Variants in SLC16A12 observed in about 807,000 individuals in gnomAD.
SLC16A12 encodes monocarboxylate transporter 12.
SLC16A12 carries 17 observed loss-of-function variants against 42.4 expected under a neutral mutation model. That is an observed-to-expected ratio of 0.40 (90% CI 0.27 to 0.60). The LOEUF (loss-of-function observed/expected upper bound fraction) is 0.60, where lower values mean the gene tolerates loss of function less well. Among genes scored for constraint, SLC16A12 ranks in the 20% least tolerant of loss-of-function variants. The pLI is 0.42. For synonymous variants in SLC16A12, 224 were observed against 229.4 expected, an observed-to-expected ratio of 0.98 and a Z score of 0.21; for missense variants, 544 against 623.0, an observed-to-expected ratio of 0.87 and a Z score of 1.35.
intron 2 of SLC16A12, among the ~76,000 whole-genome samples, chr10:89,486,599 AAAAAAAAGAAAGAAAGAAAG>A (rs1564585721): frequency 1.9e-4 from 23 of 121,516 alleles, no homozygotes; most frequent in African/African-American, 7.4e-4. Context: ...CTCAAAAAAA[AAAAAAAAGAAAGAAAGAAAG>A]AAAGAAAGAA....
chr10:89,452,042 A>C (rs1019978508), intron 3 of SLC16A12, among the ~76,000 whole-genome samples: 2 of 152,246 alleles, frequency 1.3e-5, no homozygotes, highest in Non-Finnish European at 2.9e-5. Flanking sequence ...TAAGAATCAC[A>C]AAGGACCAAG....
At chr10:89,528,444 T>C (rs368378799) in intron 2 of SLC16A12, among the ~76,000 whole-genome samples, 1 of 152,304 alleles carries the variant, frequency 6.6e-6, no homozygotes, top group African/African-American at 2.4e-5. Context: ...GGTTAATTAA[T>C]TCATTGGTTG....
intron 2 of SLC16A12, among the ~76,000 whole-genome samples, chr10:89,551,871 T>A (rs1013829387): frequency 2.0e-5 from 3 of 152,222 alleles, no homozygotes; most frequent in Non-Finnish European, 4.4e-5. Context: ...ATCAGCAGCA[T>A]GAAAACAAAC....
At chr10:89,465,856 C>A (rs552682147) in intron 2 of SLC16A12, among the ~76,000 whole-genome samples, 7 of 152,280 alleles carry the variant, frequency 4.6e-5, no homozygotes, top group African/African-American at 1.7e-4. Context: ...CGGGAAGTAT[C>A]CAGCCAATGA....
At chr10:89,549,900 G>A (rs542404075) in intron 2 of SLC16A12, among the ~76,000 whole-genome samples, 3 of 152,124 alleles carry the variant, frequency 2.0e-5, no homozygotes, top group Non-Finnish European at 4.4e-5. Flanking sequence ...AGGGAGTAAA[G>A]TGCCTCAGAC....
intron 2 of SLC16A12, among the ~76,000 whole-genome samples, chr10:89,514,777 A>G (rs1476892743): frequency 2.6e-5 from 4 of 152,212 alleles, no homozygotes; most frequent in Non-Finnish European, 5.9e-5. Flanking sequence ...TGCCCACTGT[A>G]CTTTGTAGAG....
chr10:89,520,454 T>C (rs1246789459), intron 2 of SLC16A12, among the ~76,000 whole-genome samples: 1 of 152,070 alleles, frequency 6.6e-6, no homozygotes, highest in Non-Finnish European at 1.5e-5. Flanking sequence ...CTTCATGAGG[T>C]TCAAATTAGC....
chr10:89,464,001 C>T (rs190193254), intron 2 of SLC16A12, among the ~76,000 whole-genome samples: 87 of 152,236 alleles, frequency 5.7e-4, no homozygotes, highest in Admixed American at 1.6e-3. Flanking sequence ...ACCTGACTCT[C>T]GTAATTATGT....
intron 3 of SLC16A12, among the ~76,000 whole-genome samples, chr10:89,459,641 T>C (rs1438370537): frequency 1.3e-5 from 2 of 152,070 alleles, no homozygotes; most frequent in Non-Finnish European, 2.9e-5. Context: ...TCTGTCCTAC[T>C]AGACAAAAAG....
intron 2 of SLC16A12, among the ~76,000 whole-genome samples, chr10:89,484,106 T>C (rs1052389365): frequency 2.0e-5 from 3 of 152,156 alleles, no homozygotes; most frequent in South Asian, 2.1e-4. Flanking sequence ...CTGGGCAACA[T>C]AGCAAGACAC....
intron 2 of SLC16A12, among the ~76,000 whole-genome samples, chr10:89,515,651 A>G (rs1299611658): frequency 6.6e-6 from 1 of 152,106 alleles, no homozygotes; most frequent in African/African-American, 2.4e-5. Flanking sequence ...TATTATAGTG[A>G]TCTCATCAGA....
At chr10:89,549,708 A>G (rs1039858810) in intron 2 of SLC16A12, among the ~76,000 whole-genome samples, 15 of 152,178 alleles carry the variant, frequency 9.9e-5, no homozygotes, top group Non-Finnish European at 7.3e-5. Context: ...CAGTGTGTCT[A>G]TAATTCTTTA....
rs371588301 is a variant in SLC16A12 at position 89,462,538 on chromosome 10, A to C, written c.41T>G (p.Ile14Ser). Residue 14 changes from isoleucine to serine, a missense_variant, in exon 3 of 8, where the codon ATC becomes AGC. Physicochemically the swap from Ile to Ser is moderately radical, Grantham distance 142. Transcript: ENST00000371790. ...AGGTTGCTCCAACAGCCAAGTTATGATCTTGGAAGAGTTTGCTGTCCAGTG... is the reference window on the plus strand; with the variant it reads ...AGGTTGCTCCAACAGCCAAGTTATGCTCTTGGAAGAGTTTGCTGTCCAGTG... ...GSHWTANSSK[I>S]ITWLLEQPGK... 31 of 1,612,656 alleles carry C rather than the reference A, an allele frequency of 1.9e-5. No individual in the cohort carries two copies. The highest frequency in any genetic ancestry group is 1.1e-4 in the African/African-American group (8 of 74,874).
At chr10:89,526,130 C>A (rs1843447819) in intron 2 of SLC16A12, among the ~76,000 whole-genome samples, 1 of 151,876 alleles carries the variant, frequency 6.6e-6, no homozygotes. Context: ...CATCATGCTA[C>A]CCCCCGCCCC....
intron 2 of SLC16A12, among the ~76,000 whole-genome samples, chr10:89,509,320 C>A (rs139500483): frequency 1.3e-5 from 2 of 152,096 alleles, no homozygotes; most frequent in African/African-American, 2.4e-5. Context: ...ATATCCCTGA[C>A]GAACATCAAC....
At chr10:89,531,188 G>A (rs924484846) in intron 2 of SLC16A12, among the ~76,000 whole-genome samples, 38 of 151,658 alleles carry the variant, frequency 2.5e-4, no homozygotes, top group South Asian at 2.1e-4. Flanking sequence ...TCAGGAGTTC[G>A]AGACCAGCCT....
chr10:89,536,337 C>A (rs1036339516), upstream of SLC16A12, among the ~76,000 whole-genome samples: 2 of 152,142 alleles, frequency 1.3e-5, no homozygotes, highest in African/African-American at 2.4e-5. Context: ...AAAGCGTTAT[C>A]TCTTGGAGTC....
At position 89,487,145 on chromosome 10, in the gene SLC16A12, A is replaced by C. The variant is rs1589699228; in HGVS notation, c.-46-24521T>G. Reference sequence around the variant, plus strand: ...AAGGGTCAGATTCCTCTGAATGAACACAACCATCCTGAGGCAAGGCAACAA... The same window carrying C: ...AAGGGTCAGATTCCTCTGAATGAACCCAACCATCCTGAGGCAAGGCAACAA... On this transcript the variant is annotated intron_variant, in intron 2 of 7. Coordinates refer to ENST00000371790, the MANE Select transcript of SLC16A12 (RefSeq NM_213606.4). Among the ~76,000 whole-genome samples the C allele has an allele frequency of 2.6e-5, 4 of 152,362 alleles. No homozygotes were observed. In the South Asian group the frequency reaches 8.3e-4, roughly 32 times the overall value.
chr10:89,528,217 T>C (rs1055060687), intron 2 of SLC16A12, among the ~76,000 whole-genome samples: 2 of 152,176 alleles, frequency 1.3e-5, no homozygotes, highest in African/African-American at 4.8e-5. Context: ...ACCCTTTTTA[T>C]TTAATTTGAT....
Sources: gnomAD v4.1 joint callset for allele counts (sites outside exome capture counted in the v4.1 genomes callset) on GRCh38, gnomAD v4.1.1 for gene constraint, MANE v1.5 for transcripts, NCBI Gene and HGNC (gene_info 2026-07-23, HGNC 2026-07-21) for gene names.